Variants in PDXDC1 observed in about 807,000 individuals in gnomAD.
The protein encoded by PDXDC1 is pyridoxal-dependent decarboxylase domain-containing protein 1.
PDXDC1 carries 42 observed loss-of-function variants against 100.1 expected under a neutral mutation model. That is an observed-to-expected ratio of 0.42 (90% CI 0.33 to 0.54). The LOEUF (loss-of-function observed/expected upper bound fraction) is 0.54. Ranked by LOEUF, PDXDC1 falls within the 20% of genes least tolerant of loss-of-function variation. The probability of loss-of-function intolerance (pLI) is 0.10; values close to 1 mark genes in which losing one functional copy is unlikely to be tolerated. For synonymous variants in PDXDC1, 260 were observed against 371.7 expected (o/e 0.70, Z 3.46); for missense variants, 636 against 979.2 (o/e 0.65, Z 4.68).
chr16:15,132,915 G>T (rs567149448), intron 16 of PDXDC1: 1 of 1,587,264 alleles, frequency 6.3e-7, no homozygotes, highest in East Asian at 2.2e-5. Context: ...AGCAGGGCAG[G>T]AGACCGGCAG....
chr16:15,119,408 ATTTT>A (rs1203506902), intron 16 of PDXDC1, among the ~76,000 whole-genome samples: 1 of 139,594 alleles, frequency 7.2e-6, no homozygotes, highest in African/African-American at 2.5e-5. Flanking sequence ...AAAAAAAAAA[ATTTT>A]TTTTGTTTTT....
At chr16:15,094,911 C>T (rs1424386467) in intron 16 of PDXDC1, 13 of 152,248 alleles carry the variant, frequency 8.5e-5, no homozygotes, top group Admixed American at 8.5e-4. Flanking sequence ...GATCTCAGCT[C>T]ACTGCAACCT....
At chr16:15,057,795 T>C (rs2044579729) in intron 16 of PDXDC1, among the ~76,000 whole-genome samples, 1 of 152,192 alleles carries the variant, frequency 6.6e-6, no homozygotes, top group African/African-American at 2.4e-5. Context: ...AGTGCAAAGG[T>C]GAAGAACAAG....
intron 3 of PDXDC1, among the ~76,000 whole-genome samples, chr16:14,999,192 G>A (rs1388652401): frequency 4.6e-5 from 7 of 152,276 alleles, no homozygotes; most frequent in African/African-American, 1.7e-4. Context: ...TCAGCCTCCC[G>A]AGTGGCTGGG....
the PDXDC1 span, among the ~76,000 whole-genome samples, chr16:15,147,009 T>A: frequency 1.3e-5 from 2 of 151,354 alleles, no homozygotes; most frequent in African/African-American, 4.9e-5. Context: ...TCCCTACATC[T>A]GGGTTCCCAG....
At chr16:15,094,358 A>C (rs2046272816) in intron 16 of PDXDC1, 1 of 866,898 alleles carries the variant, frequency 1.2e-6, no homozygotes, top group Non-Finnish European at 1.8e-6. Flanking sequence ...CCGCGTGGGG[A>C]GGGCGTATGC....
At chr16:15,097,656 AG>A (rs2046404521) in intron 16 of PDXDC1, among the ~76,000 whole-genome samples, 1 of 150,958 alleles carries the variant, frequency 6.6e-6, no homozygotes, top group African/African-American at 2.4e-5. Context: ...AAAAAAAAAA[AG>A]AACATAATGA....
chr16:15,012,086 A>C (rs2041348741), intron 8 of PDXDC1, among the ~76,000 whole-genome samples: 2 of 152,256 alleles, frequency 1.3e-5, no homozygotes, highest in Admixed American at 1.3e-4. Flanking sequence ...TTACAACTCA[A>C]TAAGGACACA....
Position 15,035,445 on chromosome 16 carries a change from G to A in PDXDC1, c.2003-4G>A, listed in dbSNP as rs747080202. ...CTTCTACCCAGCCCTCTCCTCTCCC[G>A]CAGGCTCTCTGGAGTCCACAGAACC... On this transcript the variant is annotated splice_polypyrimidine_tract_variant and splice_region_variant and intron_variant, in intron 21 of 22. Coordinates refer to ENST00000396410, the MANE Select transcript of PDXDC1 (RefSeq NM_015027.4). The A allele has an allele frequency of 1.0e-4, 166 of 1,588,792 alleles. 3 individuals carry two copies. The South Asian group carries it at 1.3e-3, about 13-fold the overall frequency.
chr16:15,055,992 CAGGCCCAGGG>C (rs2044500236), intron 16 of PDXDC1: 21 of 1,203,200 alleles, frequency 1.7e-5, no homozygotes, highest in Non-Finnish European at 2.0e-5. Context: ...GCCGCCCAGG[CAGGCCCAGGG>C]AGGCGGCGGC....
chr16:15,139,606 C>A (rs2048431340), downstream of PDXDC1, among the ~76,000 whole-genome samples: 1 of 149,128 alleles, frequency 6.7e-6, no homozygotes, highest in African/African-American at 2.5e-5. Context: ...CATAGCAAGA[C>A]CCCATCTCTA....
chr16:15,129,643 G>A (rs2047945142), intron 16 of PDXDC1, among the ~76,000 whole-genome samples: 1 of 152,254 alleles, frequency 6.6e-6, no homozygotes, highest in Admixed American at 6.5e-5. Flanking sequence ...ACGCTACTGT[G>A]CAGAATGTGG....
At chr16:15,075,902 G>A (rs2045433425) in intron 16 of PDXDC1, among the ~76,000 whole-genome samples, 1 of 152,134 alleles carries the variant, frequency 6.6e-6, no homozygotes, top group Non-Finnish European at 1.5e-5. Flanking sequence ...GCTGCCCTGA[G>A]CAGAAAGGAG....
At chr16:14,982,388 C>G (rs144542340) in intron 1 of PDXDC1, among the ~76,000 whole-genome samples, 385 of 152,226 alleles carry the variant, frequency 2.5e-3, no homozygotes, top group African/African-American at 9.1e-3. Flanking sequence ...TTTGGGAGGC[C>G]GAGGTGGGTG....
rs1310402904 is a variant in PDXDC1 at position 15,117,307 on chromosome 16, A to G, written c.1400-21572A>G. 1.9e-3 allele frequency among the ~76,000 whole-genome samples: 184 copies of G among 97,772 alleles called. 1 individual carries two copies. Among genetic ancestry groups the G allele is most frequent in the Non-Finnish European group, 2.2e-3 (106 of 48,464 alleles). The allele number at this position is 97,772 out of a possible 152,430, so 64.1% of individuals were successfully genotyped here. On this transcript the variant is annotated intron_variant, in intron 16 of 16. Coordinates refer to the PDXDC1 transcript ENST00000535621. ...AATAAATAAAATAATGTAGATCTTG[A>G]AAGGGGGTTGGTTTATGCTGGTGTA...
chr16:15,098,200 ATTTT>A (rs35540128), intron 16 of PDXDC1, among the ~76,000 whole-genome samples: 1 of 112,716 alleles, frequency 8.9e-6, no homozygotes. Context: ...GATATCTATG[ATTTT>A]TTTTTTTTTT....
Position 15,037,831 on chromosome 16 carries a change from C to A in PDXDC1, c.*1556C>A. 1 of 472,046 alleles carries A rather than the reference C, an allele frequency of 2.1e-6. No individual in the cohort carries two copies. The highest frequency in any genetic ancestry group is 3.7e-6 in the Non-Finnish European group (1 of 269,778). The allele number at this position is 472,046 out of a possible 1,614,324, so 29.2% of individuals were successfully genotyped here. A position where few individuals can be genotyped will look rare whatever the true frequency, so the allele number is the denominator to read the frequency against. On this transcript the variant is annotated 3_prime_UTR_variant, in exon 23 of 23. Coordinates refer to ENST00000396410, the MANE Select transcript of PDXDC1 (RefSeq NM_015027.4). ...AACTGGACATCAATTTTTTAGTAAA[C>A]CAAAAAATAAGTCTCAACAAATGCC...
At chr16:15,061,396 C>G (rs572367311) in intron 16 of PDXDC1, 1 of 245,884 alleles carries the variant, frequency 4.1e-6, no homozygotes, top group Admixed American at 5.5e-5. Flanking sequence ...AACAGCAACC[C>G]GTAAAACAGT....
chr16:15,104,185 AAAT>A (rs1223296594), intron 16 of PDXDC1: 186 of 859,520 alleles, frequency 2.2e-4, no homozygotes, highest in Non-Finnish European at 2.6e-4. Context: ...AAAAAAAAAC[AAAT>A]AATAATATTT....
Sources: gnomAD v4.1 joint callset for allele counts (sites outside exome capture counted in the v4.1 genomes callset) on GRCh38, gnomAD v4.1.1 for gene constraint, MANE v1.5 for transcripts, NCBI Gene and HGNC (gene_info 2026-07-23, HGNC 2026-07-21) for gene names.